NRG1: variants seen among roughly 807,000 people sequenced by gnomAD.
NRG1 encodes pro-neuregulin-1, membrane-bound isoform.
In NRG1, 18 loss-of-function variants were observed where a neutral mutation model predicts 63.8. The observed-to-expected ratio is 0.28, with a 90% CI of 0.19 to 0.42. The LOEUF is 0.42. Ranked by LOEUF, NRG1 falls within the 10% of genes least tolerant of loss-of-function variation. The pLI is 1.00. For synonymous variants in NRG1, 302 were observed against 301.3 expected, an observed-to-expected ratio of 1.00 and a Z score of -0.02; for missense variants, 762 against 814.7, an observed-to-expected ratio of 0.94 and a Z score of 0.79.
At chr8:31,978,296 A>G (rs1808519747) in intron 1 of NRG1, among the ~76,000 whole-genome samples, 1 of 152,076 alleles carries the variant, frequency 6.6e-6, no homozygotes. Flanking sequence ...AATATTAGAA[A>G]TGATGATATG....
chr8:32,625,982 T>C (rs145811337), intron 5 of NRG1, among the ~76,000 whole-genome samples: 2,045 of 151,960 alleles, frequency 0.013, 47 homozygotes, highest in African/African-American at 0.047. Context: ...TTAGTAGAGA[T>C]GGGGTTTCAC....
At chr8:32,549,560 A>G (rs1374712370) in intron 1 of NRG1, among the ~76,000 whole-genome samples, 2 of 152,234 alleles carry the variant, frequency 1.3e-5, no homozygotes, top group Non-Finnish European at 2.9e-5. Context: ...ATAAATATGG[A>G]TAATTTACTT....
chr8:32,747,511 G>A (rs534925695), intron 7 of NRG1, among the ~76,000 whole-genome samples: 1 of 152,034 alleles, frequency 6.6e-6, no homozygotes, highest in Admixed American at 6.6e-5. Context: ...GGAGGCAAGA[G>A]AAATTTATCT....
At chr8:32,513,882 A>G (rs1829509726) in intron 1 of NRG1, among the ~76,000 whole-genome samples, 1 of 152,200 alleles carries the variant, frequency 6.6e-6, no homozygotes, top group Non-Finnish European at 1.5e-5. Flanking sequence ...ATATTTCTGC[A>G]TAGAAAAACG....
intron 1 of NRG1, among the ~76,000 whole-genome samples, chr8:32,016,004 A>G (rs186824561): frequency 6.6e-6 from 1 of 152,312 alleles, no homozygotes; most frequent in East Asian, 1.9e-4. Context: ...TTGTAGTACA[A>G]CATGCAAAGG....
At chr8:31,866,426 AT>A (rs1341071453) in intron 1 of NRG1, among the ~76,000 whole-genome samples, 3 of 152,038 alleles carry the variant, frequency 2.0e-5, no homozygotes, top group Admixed American at 6.6e-5. Context: ...ATCTTTTTTT[AT>A]TTTTTTACTA....
intron 1 of NRG1, among the ~76,000 whole-genome samples, chr8:31,860,039 GGATA>G (rs1267208502): frequency 6.6e-6 from 1 of 152,176 alleles, no homozygotes; most frequent in African/African-American, 2.4e-5. Flanking sequence ...GGCAAGACAT[GGATA>G]GTTACGTCCT....
At chr8:32,636,902 G>A (rs553752477) in intron 5 of NRG1, among the ~76,000 whole-genome samples, 3 of 152,136 alleles carry the variant, frequency 2.0e-5, no homozygotes, top group Middle Eastern at 3.4e-3. Context: ...AGTGATGGGT[G>A]GAGGCTGGGG....
chr8:31,772,511 C>T (rs188631316), intron 1 of NRG1, among the ~76,000 whole-genome samples: 2 of 152,170 alleles, frequency 1.3e-5, no homozygotes, highest in Non-Finnish European at 2.9e-5. Flanking sequence ...AGTATCTATT[C>T]TCTTCTAGCA....
intron 1 of NRG1, among the ~76,000 whole-genome samples, chr8:32,124,695 C>T (rs181302892): frequency 1.4e-4 from 22 of 151,884 alleles, no homozygotes; most frequent in African/African-American, 5.1e-4. Flanking sequence ...TCAATGTCCC[C>T]CATCCTATTA....
intron 2 of NRG1, among the ~76,000 whole-genome samples, chr8:32,601,461 T>C (rs1844344847): frequency 6.6e-6 from 1 of 152,174 alleles, no homozygotes; most frequent in Non-Finnish European, 1.5e-5. Flanking sequence ...CATTTTTGAA[T>C]GCTCAGAAAA....
chr8:31,668,348 G>A (rs1806761894), intron 1 of NRG1, among the ~76,000 whole-genome samples: 1 of 152,154 alleles, frequency 6.6e-6, no homozygotes, highest in Non-Finnish European at 1.5e-5. Flanking sequence ...GTGGAGGAAT[G>A]CCCTAGTCAC....
chr8:32,470,125 G>A (rs895641725), intron 1 of NRG1, among the ~76,000 whole-genome samples: 1 of 148,082 alleles, frequency 6.8e-6, no homozygotes, highest in Non-Finnish European at 1.5e-5. Flanking sequence ...CGCCCGCCTC[G>A]GCCTCCCGAA....
rs74881152 is a variant in NRG1, at chr8:32,210,527, T to C, written c.38-385301T>C. On this transcript the variant is annotated intron_variant, in intron 1 of 10. Transcript: ENST00000519301. Reference sequence around the variant, plus strand: ...GCTTTTGTAACGTGTGACCTTCCCTTATCCTCTGCCATGCGAAACTATCTC... The same window carrying C: ...GCTTTTGTAACGTGTGACCTTCCCTCATCCTCTGCCATGCGAAACTATCTC... Among the ~76,000 whole-genome samples the C allele has an allele frequency of 5.4e-4, 83 of 152,328 alleles. 3 individuals carry two copies. The East Asian group carries it at 0.014, about 25-fold the overall frequency.
chr8:32,221,889 A>G (rs1586186168), intron 1 of NRG1, among the ~76,000 whole-genome samples: 2 of 152,070 alleles, frequency 1.3e-5, no homozygotes, highest in East Asian at 1.9e-4. Context: ...TGTTTTGTTT[A>G]TATTCAAAGG....
At chr8:31,782,662 A>G (rs757969520) in intron 1 of NRG1, among the ~76,000 whole-genome samples, 7 of 152,194 alleles carry the variant, frequency 4.6e-5, no homozygotes, top group East Asian at 1.9e-4. Flanking sequence ...TTGTGACTCA[A>G]GTACAGAAAG....
chr8:32,007,875 A>T (rs865862645), intron 1 of NRG1, among the ~76,000 whole-genome samples: 7 of 151,874 alleles, frequency 4.6e-5, no homozygotes, highest in Admixed American at 1.3e-4. Flanking sequence ...GGGTGCCCAT[A>T]ATGACTGTAC....
At chr8:32,249,503 C>A (rs1848889979) in intron 1 of NRG1, among the ~76,000 whole-genome samples, 1 of 152,048 alleles carries the variant, frequency 6.6e-6, no homozygotes. Context: ...GCGTAGCAAA[C>A]CAAATTCTCT....
downstream of NRG1, among the ~76,000 whole-genome samples, chr8:32,770,653 T>A (rs1016303113): frequency 6.6e-6 from 1 of 152,158 alleles, no homozygotes; most frequent in African/African-American, 2.4e-5. Context: ...CGAGTGAGAA[T>A]GAATTCACAA....
Sources: allele counts gnomAD v4.1 joint callset (sites outside exome capture counted in the v4.1 genomes callset), GRCh38; gene constraint gnomAD v4.1.1; transcripts MANE v1.5; gene names NCBI Gene and HGNC (gene_info 2026-07-23, HGNC 2026-07-21).